The following MON1B variants were observed in gnomAD, a reference collection of about 807,000 sequenced individuals.
MON1B encodes vacuolar fusion protein MON1 homolog B.
Under a neutral mutation model 45.1 loss-of-function variants are expected in MON1B, and 26 were observed. The ratio of observed to expected loss-of-function variants is 0.58; its 90% CI spans 0.42 to 0.80. The LOEUF (loss-of-function observed/expected upper bound fraction) is 0.80. Ranked by LOEUF, MON1B falls within the 30% of genes least tolerant of loss-of-function variation. The pLI is 0.00. For missense variants in MON1B, 737 were observed against 754.5 expected, an observed-to-expected ratio of 0.98 and a Z score of 0.27; for synonymous variants, 395 against 320.2, an observed-to-expected ratio of 1.23 and a Z score of -2.49.
chr16:77,201,976 C>G lies in MON1B; in HGVS notation c.*3668C>G, dbSNP rs933780900. 6.6e-6 allele frequency: 1 copy of G among 152,034 alleles called. No individual in the cohort carries two copies. The highest frequency in any genetic ancestry group is 1.5e-5 in the Non-Finnish European group (1 of 68,016). 9.4% of individuals were successfully genotyped at this position (152,034 alleles called of 1,614,324 possible). ...GAAAAAGTATCTGAATGATAAAGGC[C>G]TAAGTGATAACTCTGGACAAGGAAT... On this transcript the variant is annotated 3_prime_UTR_variant, in exon 6 of 6. Transcript: ENST00000248248.
rs2054730126 is a variant in MON1B at position 77,200,681 on chromosome 16, G to A, written c.*2373G>A. ...TGAGGCAGGGGAATTGCTTGAACCC[G>A]GGAGGCAGAGGTTATCGTGAGCTGA... On this transcript the variant is annotated 3_prime_UTR_variant, in exon 6 of 6. Coordinates refer to ENST00000248248, the MANE Select transcript of MON1B (RefSeq NM_014940.4). The A allele has an allele frequency of 6.7e-6, 1 of 150,336 alleles. No individual in the cohort carries two copies. Among genetic ancestry groups the A allele is most frequent in the African/African-American group, 2.5e-5 (1 of 40,626 alleles). The allele number at this position is 150,336 out of a possible 1,614,324, so 9.3% of individuals were successfully genotyped here. A position where few individuals can be genotyped will look rare whatever the true frequency, so the allele number is the denominator to read the frequency against.
At chr16:77,191,369 C>G (rs1490384807) in intron 1 of MON1B, 107 bp from the exon 2 acceptor site, 1 of 1,579,820 alleles carries the variant, frequency 6.3e-7, no homozygotes, top group African/African-American at 1.3e-5. Context: ...CTATTGAAAT[C>G]CGTGGGGAAA....
chr16:77,196,194 G>A (rs2054663817), intron 5 of MON1B, among the ~76,000 whole-genome samples: 1 of 152,178 alleles, frequency 6.6e-6, no homozygotes, highest in Non-Finnish European at 1.5e-5. Context: ...GCCAGTGAAG[G>A]AGGCCTCATC....
chr16:77,195,405 A>G (rs1159786493), intron 4 of MON1B, 130 bp from the exon 5 acceptor site: 9 of 1,260,076 alleles, frequency 7.1e-6, no homozygotes, highest in Non-Finnish European at 9.6e-6. Context: ...CCAACCCCTG[A>G]GAATCCTCAA....
In MON1B at chr16:77,193,584, A is replaced by G; in HGVS notation, c.282A>G (p.Gly94=). The G allele has an allele frequency of 6.2e-7, 1 of 1,614,000 alleles. No homozygotes were observed. Among genetic ancestry groups the G allele is most frequent in the Non-Finnish European group, 8.5e-7 (1 of 1,179,920 alleles). ...SPTCSPESSS[G]GQGGDPSDEE... The stretch of plus-strand genomic sequence containing the variant: ...CATGTAGCCCTGAGAGTAGCTCTGG[A>G]GGCCAGGGCGGGGACCCCAGTGATG... Residue 94 remains glycine, a synonymous_variant, in exon 3 of 6, where the codon GGA becomes GGG. Transcript: ENST00000248248. This position sits in a 1 kb window ranked among gnomAD's most constrained non-coding sequence, Gnocchi z 5.0.
chr16:77,194,473 G>A lies in MON1B; in HGVS notation c.614G>A (p.Ser205Asn), dbSNP rs1474271063. 2.5e-6 allele frequency: 4 copies of A among 1,614,102 alleles called. No homozygotes were observed. The highest frequency in any genetic ancestry group is 1.7e-5 in the Admixed American group (1 of 60,020). ...AQIVSTLTRA[S>N]VARIFAHKQN... ...ATCGTGAGCACACTTACACGTGCAAGTGTCGCCCGCATCTTCGCACACAAG... is the reference window on the plus strand; with the variant it reads ...ATCGTGAGCACACTTACACGTGCAAATGTCGCCCGCATCTTCGCACACAAG... Residue 205 changes from serine (S) to asparagine (N), a missense_variant, in exon 4 of 6, where the codon AGT becomes AAT. Coordinates refer to ENST00000248248, the MANE Select transcript of MON1B (RefSeq NM_014940.4). This position sits in a 1 kb window ranked among gnomAD's most constrained non-coding sequence, Gnocchi z 8.1.
rs886735129 is a variant in MON1B, at chr16:77,199,379, C to T, written c.*1071C>T. 1.4e-6 allele frequency: 2 copies of T among 1,471,820 alleles called. No homozygotes were observed. Among genetic ancestry groups the T allele is most frequent in the East Asian group, 2.5e-5 (1 of 40,510 alleles). The allele number at this position is 1,471,820 out of a possible 1,614,324, so 91.2% of individuals were successfully genotyped here. A position where few individuals can be genotyped will look rare whatever the true frequency, so the allele number is the denominator to read the frequency against. ...GGTTGCACGCATGCGTGCTGAAAAG[C>T]CTTTCACCCTCACGTGGTTTCTTTT... On this transcript the variant is annotated 3_prime_UTR_variant, in exon 6 of 6. Coordinates refer to ENST00000248248, the MANE Select transcript of MON1B (RefSeq NM_014940.4).
rs1192756805 is a variant in MON1B at position 77,198,243 on chromosome 16, T to C, written c.1579T>C (p.Tyr527His). The C allele has an allele frequency of 1.9e-6, 3 of 1,614,082 alleles. No individual in the cohort carries two copies. Among genetic ancestry groups the C allele is most frequent in the Non-Finnish European group, 2.5e-6 (3 of 1,180,042 alleles). The change falls in exon 6 of 6, where the codon TAC (tyrosine) becomes CAC (histidine). Residue 527 changes from tyrosine (Y) to histidine (H), a missense_variant. Transcript: ENST00000248248. ...GCTCTTCATTCGTTACCCACCCAAG[T>C]ACTCCACACCACCAGCCACCTCTAC... is the stretch of plus-strand genomic sequence containing the variant. ...DRLFIRYPPK[Y>H]STPPATSTDQ...
chr16:77,198,582 T>G lies in MON1B; in HGVS notation c.*274T>G. 1 of 486,076 alleles carries G rather than the reference T, an allele frequency of 2.1e-6. No individual in the cohort carries two copies. The highest frequency in any genetic ancestry group is 3.8e-6 in the Non-Finnish European group (1 of 265,414). 30.1% of individuals were successfully genotyped at this position (486,076 alleles called of 1,614,324 possible). A position where few individuals can be genotyped will look rare whatever the true frequency, so the allele number is the denominator to read the frequency against. On this transcript the variant is annotated 3_prime_UTR_variant, in exon 6 of 6. Transcript: ENST00000248248. ...TGTCTCATCTCCTCCACTTGGATGATGCTCTAGCCTCTGTCAGGGACTGTC... is the reference window on the plus strand; with the variant it reads ...TGTCTCATCTCCTCCACTTGGATGAGGCTCTAGCCTCTGTCAGGGACTGTC...
Position 77,193,459 on chromosome 16 carries a change from G to A in MON1B, c.157G>A (p.Asp53Asn). The A allele has an allele frequency of 6.4e-7, 1 of 1,556,724 alleles. No individual in the cohort carries two copies. The highest frequency in any genetic ancestry group is 8.7e-7 in the Non-Finnish European group (1 of 1,150,206). The change falls in exon 3 of 6, where the codon GAC becomes AAC. Residue 53 changes from aspartate to asparagine, a missense_variant. Asp to Asn is a conservative substitution (Grantham distance 23). Coordinates refer to ENST00000248248, the MANE Select transcript of MON1B (RefSeq NM_014940.4). The surrounding 1 kb of genome is among the most constrained non-coding windows in gnomAD (Gnocchi z 5.0). Reference protein sequence around the residue: ...DEGLEETGSKDKDQPPSPSPP... With the variant: ...DEGLEETGSKNKDQPPSPSPP... ...CAGGGGCTCCCTTTCAGGATCCAAG[G>A]ACAAGGACCAGCCACCCAGCCCATC...
chr16:77,201,978 A>G lies in MON1B; in HGVS notation c.*3670A>G, dbSNP rs544049810. ...AAAAGTATCTGAATGATAAAGGCCT[A>G]AGTGATAACTCTGGACAAGGAATTT... is the stretch of plus-strand genomic sequence containing the variant. On this transcript the variant is annotated 3_prime_UTR_variant, in exon 6 of 6. Transcript: ENST00000248248. 7 of 152,150 alleles carry G rather than the reference A, an allele frequency of 4.6e-5. No homozygotes were observed. Among genetic ancestry groups the G allele is most frequent in the Non-Finnish European group, 7.3e-5 (5 of 68,034 alleles). The allele number at this position is 152,150 out of a possible 1,614,324, so 9.4% of individuals were successfully genotyped here. A position where few individuals can be genotyped will look rare whatever the true frequency, so the allele number is the denominator to read the frequency against.
In MON1B at chr16:77,195,594, A is replaced by G; in HGVS notation, c.1355A>G (p.Tyr452Cys). ...GAGCGGCAGCGGCTGTCGGACCTGT[A>G]CCACCGCCTGCATGCTCGTCTCCAC... ...EEERQRLSDL[Y>C]HRLHARLHST... The change falls in exon 5 of 6, where the codon TAC becomes TGC. Residue 452 changes from tyrosine to cysteine, a missense_variant. Tyr to Cys is a radical substitution (Grantham distance 194, BLOSUM62 -2). Coordinates refer to ENST00000248248, the MANE Select transcript of MON1B (RefSeq NM_014940.4). The G allele has an allele frequency of 6.2e-7, 1 of 1,613,956 alleles. No individual in the cohort carries two copies. The highest frequency in any genetic ancestry group is 8.5e-7 in the Non-Finnish European group (1 of 1,179,902).
Position 77,194,568 on chromosome 16 carries a change from G to C in MON1B, c.709G>C (p.Glu237Gln), listed in dbSNP as rs2054644859. Residue 237 changes from glutamate (E) to glutamine (Q), a missense_variant, in exon 4 of 6, where the codon GAG becomes CAG. Physicochemically the swap from Glu to Gln is conservative, Grantham distance 29 (BLOSUM62 2). Coordinates refer to ENST00000248248, the MANE Select transcript of MON1B (RefSeq NM_014940.4). This position sits in a 1 kb window ranked among gnomAD's most constrained non-coding sequence, Gnocchi z 8.1. The part of the protein sequence containing the change: ...RTLDRLLDSM[E>Q]QDPGALLLGA... ...ACTGGACCGACTTCTGGACAGTATG[G>C]AGCAGGACCCAGGAGCCCTGCTCCT... 6.2e-7 allele frequency: 1 copy of C among 1,613,884 alleles called. No individual in the cohort carries two copies. Among genetic ancestry groups the C allele is most frequent in the Admixed American group, 1.7e-5 (1 of 60,012 alleles).
rs368071936 is a variant in MON1B, at chr16:77,194,312, C to A, written c.476-23C>A. On this transcript the variant is annotated intron_variant, in intron 3 of 5. Transcript: ENST00000248248. This position sits in a 1 kb window ranked among gnomAD's most constrained non-coding sequence, Gnocchi z 8.1. ...CATTCCTGATCCAGCTGTACCCCCC[C>A]TTCTTACCCCTTCCTTCCCTAGAGG... The A allele has an allele frequency of 1.1e-5, 17 of 1,591,696 alleles. No homozygotes were observed. The South Asian group carries it at 1.7e-4, about 15-fold the overall frequency.
chr16:77,193,804 G>T lies in MON1B; in HGVS notation c.475+27G>T. 6.3e-7 allele frequency: 1 copy of T among 1,586,470 alleles called. No individual in the cohort carries two copies. On this transcript the variant is annotated intron_variant, in intron 3 of 5. Coordinates refer to ENST00000248248, the MANE Select transcript of MON1B (RefSeq NM_014940.4). This position sits in a 1 kb window ranked among gnomAD's most constrained non-coding sequence, Gnocchi z 5.0. ...TGAGCAAACAGGTGGGAGGCAGAAT[G>T]GGGGACAGTGACTGGGAATATGGCT...
In MON1B at chr16:77,191,613, A is replaced by G. The variant is rs1386821269; in HGVS notation, c.128A>G (p.Asp43Gly). Residue 43 changes from aspartate (D) to glycine (G), a missense_variant, in exon 2 of 6, where the codon GAC becomes GGC. Asp to Gly is a moderately conservative substitution (Grantham distance 94). Coordinates refer to ENST00000248248, the MANE Select transcript of MON1B (RefSeq NM_014940.4). Reference protein sequence around the residue: ...GVHAVPPDPEDEGLEETGSKD... With the variant: ...GVHAVPPDPEGEGLEETGSKD... ...CACGCGGTCCCGCCGGATCCCGAAGACGAGGGCCTGGAGGAAACAGGTATG... is the reference window on the plus strand; with the variant it reads ...CACGCGGTCCCGCCGGATCCCGAAGGCGAGGGCCTGGAGGAAACAGGTATG... 1 of 1,611,176 alleles carries G rather than the reference A, an allele frequency of 6.2e-7. No homozygotes were observed. Among genetic ancestry groups the G allele is most frequent in the African/African-American group, 1.3e-5 (1 of 74,682 alleles).
Position 77,193,365 on chromosome 16 carries a change from G to T in MON1B, c.149-86G>T. 4.5e-6 allele frequency: 6 copies of T among 1,319,384 alleles called. No individual in the cohort carries two copies. Among genetic ancestry groups the T allele is most frequent in the Non-Finnish European group, 6.3e-6 (6 of 958,164 alleles). The allele number at this position is 1,319,384 out of a possible 1,614,324, so 81.7% of individuals were successfully genotyped here. A position where few individuals can be genotyped will look rare whatever the true frequency, so the allele number is the denominator to read the frequency against. On this transcript the variant is annotated intron_variant, in intron 2 of 5. Transcript: ENST00000248248. The surrounding 1 kb of genome is among the most constrained non-coding windows in gnomAD (Gnocchi z 5.0). ...CGTCAGCATGCAGGGGTCATGGAGG[G>T]GCTAGTAGATATTTGGTGGGTCCTT...
At position 77,198,236 on chromosome 16, in the gene MON1B, A is replaced by G. The variant is rs1597378424; in HGVS notation, c.1572A>G (p.Pro524=). ...AGGACCGGCTCTTCATTCGTTACCC[A>G]CCCAAGTACTCCACACCACCAGCCA... ...KEEDRLFIRY[P]PKYSTPPATS... Residue 524 remains proline, a synonymous_variant, in exon 6 of 6, where the codon CCA becomes CCG. Transcript: ENST00000248248. 3.7e-6 allele frequency: 6 copies of G among 1,614,030 alleles called. No individual in the cohort carries two copies. The highest frequency in any genetic ancestry group is 1.6e-4 in the Middle Eastern group (1 of 6,062).
rs1222314569 is a variant in MON1B at position 77,201,371 on chromosome 16, C to G, written c.*3063C>G. 6.6e-6 allele frequency: 1 copy of G among 152,126 alleles called. No homozygotes were observed. The highest frequency in any genetic ancestry group is 1.5e-5 in the Non-Finnish European group (1 of 68,026). 9.4% of individuals were successfully genotyped at this position (152,126 alleles called of 1,614,324 possible). ...AAATTCCTCAAAATTAAAGTTATGA[C>G]TAACTTCACCAGCAAAGGAAAAATT... On this transcript the variant is annotated 3_prime_UTR_variant, in exon 6 of 6. Transcript: ENST00000248248.
Sources: gnomAD v4.1 joint callset for allele counts (sites outside exome capture counted in the v4.1 genomes callset) on GRCh38, gnomAD v4.1.1 for gene constraint, Gnocchi (gnomAD v3.1) non-coding constraint, MANE v1.5 for transcripts, NCBI Gene and HGNC (gene_info 2026-07-23, HGNC 2026-07-21) for gene names.